Variants in VPS26A observed in about 807,000 individuals in gnomAD.
VPS26A encodes the protein VPS26 retromer complex component A.
A neutral mutation model predicts 42.4 loss-of-function variants in VPS26A; 22 were observed. The ratio of observed to expected loss-of-function variants is 0.52; its 90% CI spans 0.37 to 0.74. The LOEUF is 0.74. Among genes scored for constraint, VPS26A ranks in the 30% least tolerant of loss-of-function variants. VPS26A has a pLI of 0.00. For missense variants in VPS26A, 276 were observed against 379.2 expected, an observed-to-expected ratio of 0.73 and a Z score of 2.26; for synonymous variants, 110 against 123.5, an observed-to-expected ratio of 0.89 and a Z score of 0.73.
intron 7 of VPS26A, 140 bp from the exon 8 acceptor site, chr10:69,168,349 A>T (rs974864046): frequency 1.1e-6 from 1 of 936,018 alleles, no homozygotes; most frequent in Non-Finnish European, 1.6e-6. Context: ...AGTACTACTG[A>T]GGATGAACCC....
In VPS26A at chr10:69,173,716, C is replaced by G. The variant is rs1841868933; in HGVS notation, c.*2447C>G. Reference sequence around the variant, plus strand: ...TCAGTGCTTGTGAAAACGCACCAATCAGGCTGGGCACAGTGGCTCACGCCT... The same window carrying G: ...TCAGTGCTTGTGAAAACGCACCAATGAGGCTGGGCACAGTGGCTCACGCCT... On this transcript the variant is annotated 3_prime_UTR_variant, in exon 9 of 9. Transcript: ENST00000263559. Among the ~76,000 whole-genome samples, 1 of 152,184 alleles carries G rather than the reference C, an allele frequency of 6.6e-6. No individual in the cohort carries two copies. The highest frequency in any genetic ancestry group is 1.5e-5 in the Non-Finnish European group (1 of 68,030).
intron 2 of VPS26A, chr10:69,133,606 A>G (rs1290434272): frequency 7.8e-7 from 1 of 1,289,590 alleles, no homozygotes; most frequent in East Asian, 5.6e-5. Context: ...GCCTTCTATA[A>G]GGTTTCACTT....
chr10:69,131,854 A>G (rs186121835), intron 1 of VPS26A, among the ~76,000 whole-genome samples: 1 of 152,360 alleles, frequency 6.6e-6, no homozygotes, highest in Admixed American at 6.5e-5. Context: ...CATTGTGGCT[A>G]AAATAATCCA....
At chr10:69,125,056 A>C (rs1589339661) in intron 1 of VPS26A, among the ~76,000 whole-genome samples, 1 of 152,326 alleles carries the variant, frequency 6.6e-6, no homozygotes, top group East Asian at 1.9e-4. Flanking sequence ...GGGTGTCGGC[A>C]GTCTCTAGGT....
rs1564690871 is a variant in VPS26A at position 69,172,084 on chromosome 10, CATATTT to C, written c.*820_*825del. On this transcript the variant is annotated 3_prime_UTR_variant, in exon 9 of 9. Coordinates refer to ENST00000263559, the MANE Select transcript of VPS26A (RefSeq NM_004896.5). The stretch of plus-strand genomic sequence containing the variant: ...TATTTTTTCCATAAATACTTTGAAA[CATATTT>C]ATATATTTCAATTTAAGGAATCTTT... 1 of 152,032 alleles carries C rather than the reference CATATTT, an allele frequency of 6.6e-6. No homozygotes were observed. The highest frequency in any genetic ancestry group is 6.6e-5 in the Admixed American group (1 of 15,264). The allele number at this position is 152,032 out of a possible 1,614,324, so 9.4% of individuals were successfully genotyped here. A position where few individuals can be genotyped will look rare whatever the true frequency, so the allele number is the denominator to read the frequency against.
intron 2 of VPS26A, among the ~76,000 whole-genome samples, chr10:69,136,561 G>C (rs1840917122): frequency 6.6e-6 from 1 of 152,014 alleles, no homozygotes; most frequent in South Asian, 2.1e-4. Context: ...GAGCTACCAT[G>C]GCTGGCCTTT....
At chr10:69,162,987 A>G (rs925608572) in intron 6 of VPS26A, among the ~76,000 whole-genome samples, 9 of 103,666 alleles carry the variant, frequency 8.7e-5, no homozygotes, top group African/African-American at 2.7e-4. Flanking sequence ...TATGTATACA[A>G]GCAAGTACCT....
intron 2 of VPS26A, among the ~76,000 whole-genome samples, chr10:69,149,569 A>G (rs1841245111): frequency 6.6e-6 from 1 of 151,980 alleles, no homozygotes; most frequent in Non-Finnish European, 1.5e-5. Context: ...CAGTGGTGTG[A>G]TAATGGCTCA....
At chr10:69,165,529 C>T (rs1841665102) in intron 6 of VPS26A, among the ~76,000 whole-genome samples, 1 of 151,912 alleles carries the variant, frequency 6.6e-6, no homozygotes, top group African/African-American at 2.4e-5. Flanking sequence ...AAAATGTGGC[C>T]AGGTGCGGTC....
chr10:69,156,403 A>G (rs1841429965), intron 3 of VPS26A, among the ~76,000 whole-genome samples: 1 of 152,276 alleles, frequency 6.6e-6, no homozygotes, highest in Admixed American at 6.5e-5. Flanking sequence ...GTTAAACTAT[A>G]TAAATCTTTC....
chr10:69,127,328 C>T (rs1461470526), intron 1 of VPS26A, among the ~76,000 whole-genome samples: 2 of 150,616 alleles, frequency 1.3e-5, no homozygotes, highest in East Asian at 2.0e-4. Context: ...CCGAGGCGGG[C>T]GGATCACGAG....
intron 1 of VPS26A, among the ~76,000 whole-genome samples, chr10:69,127,643 T>A (rs972084258): frequency 6.6e-6 from 1 of 152,048 alleles, no homozygotes; most frequent in Non-Finnish European, 1.5e-5. Flanking sequence ...AACCTATTAC[T>A]TTTTTGCATA....
chr10:69,170,431 A>C (rs779639542), intron 8 of VPS26A: 4 of 151,738 alleles, frequency 2.6e-5, no homozygotes, highest in African/African-American at 9.7e-5. Flanking sequence ...TGTTGGGGAA[A>C]AAAAAAAGCC....
chr10:69,155,323 A>G (rs1213279223), intron 2 of VPS26A, among the ~76,000 whole-genome samples: 1 of 152,242 alleles, frequency 6.6e-6, no homozygotes, highest in Non-Finnish European at 1.5e-5. Flanking sequence ...GTATGAAGCT[A>G]TGATTTGACC....
intron 1 of VPS26A, among the ~76,000 whole-genome samples, chr10:69,130,643 C>G (rs1263623461): frequency 6.6e-6 from 1 of 152,138 alleles, no homozygotes; most frequent in African/African-American, 2.4e-5. Flanking sequence ...ATCAAATGCT[C>G]AGTTATAAAA....
intron 2 of VPS26A, among the ~76,000 whole-genome samples, chr10:69,149,929 A>G (rs1468805988): frequency 6.6e-6 from 1 of 151,688 alleles, no homozygotes; most frequent in Non-Finnish European, 1.5e-5. Flanking sequence ...TTTTTAGTAG[A>G]AATAGGGTTT....
At chr10:69,125,211 C>G (rs1840624061) in intron 1 of VPS26A, among the ~76,000 whole-genome samples, 1 of 152,018 alleles carries the variant, frequency 6.6e-6, no homozygotes, top group South Asian at 2.1e-4. Flanking sequence ...AAAGGCCGAG[C>G]CAGGTATATT....
chr10:69,133,861 T>C (rs919122926), intron 2 of VPS26A, among the ~76,000 whole-genome samples: 17 of 152,012 alleles, frequency 1.1e-4, no homozygotes, highest in Admixed American at 2.0e-4. Flanking sequence ...AATTTTTTAA[T>C]TTTTTTGTAG....
chr10:69,171,640 C>T lies in VPS26A; in HGVS notation c.*371C>T, dbSNP rs563096184. 12 of 159,850 alleles carry T rather than the reference C, an allele frequency of 7.5e-5. No individual in the cohort carries two copies. Among genetic ancestry groups the T allele is most frequent in the Admixed American group, 5.2e-4 (8 of 15,370 alleles). 9.9% of individuals were successfully genotyped at this position (159,850 alleles called of 1,614,324 possible). A position where few individuals can be genotyped will look rare whatever the true frequency, so the allele number is the denominator to read the frequency against. ...GCATAATGTTGATTATAAATCCTCTCTTTTCAGGCTAATGATTACCTCTTA... is the reference window on the plus strand; with the variant it reads ...GCATAATGTTGATTATAAATCCTCTTTTTTCAGGCTAATGATTACCTCTTA... On this transcript the variant is annotated 3_prime_UTR_variant, in exon 9 of 9. Transcript: ENST00000263559.
Sources: allele counts gnomAD v4.1 joint callset (sites outside exome capture counted in the v4.1 genomes callset), GRCh38; gene constraint gnomAD v4.1.1; transcripts MANE v1.5; gene names NCBI Gene and HGNC (gene_info 2026-07-23, HGNC 2026-07-21).